Variants in UBAC1 observed in about 807,000 individuals in gnomAD.
UBAC1 encodes UBA domain containing 1.
Under a neutral mutation model 45.9 loss-of-function variants are expected in UBAC1, and 27 were observed. That is an observed-to-expected ratio of 0.59 (90% CI 0.43 to 0.81). UBAC1 has a LOEUF of 0.81. UBAC1 is among the 30% of genes least tolerant of loss of function. UBAC1 has a pLI of 0.00. For missense variants in UBAC1, 529 were observed against 539.2 expected (o/e 0.98, Z 0.19); for synonymous variants, 227 against 215.5 (o/e 1.05, Z -0.47).
intron 1 of UBAC1, among the ~76,000 whole-genome samples, chr9:135,957,942 T>G (rs931873981): frequency 2.0e-5 from 3 of 151,910 alleles, no homozygotes; most frequent in Non-Finnish European, 2.9e-5. Context: ...GCCAGGCTAT[T>G]TTTTTACATT....
At chr9:135,948,201 A>G (rs1839362027) in intron 3 of UBAC1, among the ~76,000 whole-genome samples, 1 of 152,322 alleles carries the variant, frequency 6.6e-6, no homozygotes, top group East Asian at 1.9e-4. Context: ...GGGCTGGGGC[A>G]AGGGAGGCGA....
intron 3 of UBAC1, 126 bp downstream of exon 3, chr9:135,953,554 G>A (rs949059561): frequency 2.7e-5 from 18 of 660,516 alleles, no homozygotes; most frequent in East Asian, 6.8e-5. Flanking sequence ...TCTTGACCTC[G>A]TGATCCACCC....
At chr9:135,947,690 T>C in intron 4 of UBAC1, 108 bp downstream of exon 4, 1 of 876,336 alleles carries the variant, frequency 1.1e-6, no homozygotes, top group Non-Finnish European at 1.7e-6. Context: ...CTTCCCCAAA[T>C]CCTCCCAGAG....
At chr9:135,956,386 G>C (rs1187781187) in intron 1 of UBAC1, among the ~76,000 whole-genome samples, 1 of 152,198 alleles carries the variant, frequency 6.6e-6, no homozygotes, top group Non-Finnish European at 1.5e-5. Context: ...GCACTGGCTT[G>C]CGGGAGTCCT....
chr9:135,952,806 G>A (rs148780120), intron 3 of UBAC1, among the ~76,000 whole-genome samples: 177 of 152,316 alleles, frequency 1.2e-3, no homozygotes, highest in African/African-American at 3.9e-3. Context: ...AAGCACCAAC[G>A]AGCACTTCCA....
rs1839165927 is a variant in UBAC1 at position 135,933,292 on chromosome 9, C to T, written c.*108G>A. 1 of 850,204 alleles carries T rather than the reference C, an allele frequency of 1.2e-6. No homozygotes were observed. Among genetic ancestry groups the T allele is most frequent in the African/African-American group, 1.7e-5 (1 of 60,416 alleles). 52.7% of individuals were successfully genotyped at this position (850,204 alleles called of 1,614,324 possible). On this transcript the variant is annotated 3_prime_UTR_variant, in exon 10 of 10. Transcript: ENST00000371756. ...GAGCAGCTGCAGCACCTCTAACAGTCCAGGGCTGAGGCGCTGAAGGTGAGT... is the reference window on the plus strand; with the variant it reads ...GAGCAGCTGCAGCACCTCTAACAGTTCAGGGCTGAGGCGCTGAAGGTGAGT...
At chr9:135,940,280 GA>G (rs11435128) in intron 7 of UBAC1, among the ~76,000 whole-genome samples, 18 of 149,212 alleles carry the variant, frequency 1.2e-4, no homozygotes, top group African/African-American at 1.7e-4. Context: ...TTTTATCTTA[GA>G]AAAAAAAAAA....
intron 4 of UBAC1, 174 bp downstream of exon 4, chr9:135,947,624 T>G (rs930605003): frequency 8.2e-6 from 4 of 487,052 alleles, no homozygotes; most frequent in Admixed American, 4.0e-5. Flanking sequence ...TTGGAAATAA[T>G]TTTTGATTTA....
Position 135,940,153 on chromosome 9 carries a change from C to G in UBAC1, c.877-394G>C, listed in dbSNP as rs184292193. 8.5e-5 allele frequency among the ~76,000 whole-genome samples: 13 copies of G among 152,264 alleles called. No individual in the cohort carries two copies. The East Asian group carries it at 2.5e-3, about 29-fold the overall frequency. ...GTCTCGGCAGCCACCGCAGGTTTACCCCAGAGGGCCTTGTTACCCAAAGAG... is the reference window on the plus strand; with the variant it reads ...GTCTCGGCAGCCACCGCAGGTTTACGCCAGAGGGCCTTGTTACCCAAAGAG... On this transcript the variant is annotated intron_variant, in intron 7 of 9. Transcript: ENST00000371756.
At chr9:135,937,926 G>A (rs930720281) in intron 9 of UBAC1, among the ~76,000 whole-genome samples, 11 of 152,178 alleles carry the variant, frequency 7.2e-5, no homozygotes, top group African/African-American at 9.7e-5. Context: ...AGCTGCTGGC[G>A]CAGTCTCCAC....
chr9:135,961,106 G>T lies in UBAC1; in HGVS notation c.57C>A (p.Cys19Ter). Residue 19 changes from cysteine to a stop codon, truncating the protein, a stop_gained, in exon 1 of 10, where the codon TGC becomes TGA. Transcript: ENST00000371756. LOFTEE classifies it high-confidence loss of function. Reference sequence around the variant, plus strand: ...CCAGCCACTCGGCGCCGTCGGACGCGCAGATGTGCAGCCGCAGCACCTTGC... The same window carrying T: ...CCAGCCACTCGGCGCCGTCGGACGCTCAGATGTGCAGCCGCAGCACCTTGC... The part of the protein sequence containing the change: ...FAGKVLRLHI[C>*]ASDGAEWLEE... 1 of 1,590,602 alleles carries T rather than the reference G, an allele frequency of 6.3e-7. No individual in the cohort carries two copies. Among genetic ancestry groups the T allele is most frequent in the Non-Finnish European group, 8.5e-7 (1 of 1,173,454 alleles).
At chr9:135,947,454 T>C (rs912132378) in intron 4 of UBAC1, 3 of 208,766 alleles carry the variant, frequency 1.4e-5, no homozygotes, top group African/African-American at 6.9e-5. Context: ...AGTTTCATCA[T>C]GTTGGCCAGG....
intron 1 of UBAC1, among the ~76,000 whole-genome samples, chr9:135,957,187 C>CA (rs1227102245): frequency 1.3e-5 from 2 of 152,170 alleles, no homozygotes; most frequent in East Asian, 3.8e-4. Context: ...TTGACGGCTT[C>CA]AGGGGCTCAC....
chr9:135,935,797 C>T lies in UBAC1; in HGVS notation c.1103-2282G>A, dbSNP rs573035427. On this transcript the variant is annotated intron_variant, in intron 9 of 9. Coordinates refer to ENST00000371756, the MANE Select transcript of UBAC1 (RefSeq NM_016172.3). ...ATCCCAGCACTTTGGGAGGCCGAGA[C>T]GGGCGGATCACGAGGTCAGGAGATC... 8.9e-4 allele frequency among the ~76,000 whole-genome samples: 136 copies of T among 152,196 alleles called. 1 individual carries two copies. The highest frequency in any genetic ancestry group is 1.2e-3 in the Non-Finnish European group (80 of 67,986).
At chr9:135,945,547 C>T in intron 6 of UBAC1, 1 of 501,140 alleles carries the variant, frequency 2.0e-6, no homozygotes, top group South Asian at 3.4e-5. Context: ...CCCGGCTGCC[C>T]CTGGATCTCG....
chr9:135,941,127 C>T (rs1011804769), intron 7 of UBAC1, among the ~76,000 whole-genome samples: 3 of 152,182 alleles, frequency 2.0e-5, no homozygotes, highest in African/African-American at 7.2e-5. Flanking sequence ...AAGTCCCAGC[C>T]GGGAGCAGTG....
intron 5 of UBAC1, 24 bp from the exon 6 acceptor site, chr9:135,946,021 G>A (rs375766890): frequency 6.2e-7 from 1 of 1,602,938 alleles, no homozygotes; most frequent in Non-Finnish European, 8.5e-7. Flanking sequence ...ACAGGGCCAT[G>A]AGGGCTCCAG....
chr9:135,937,440 C>CAAAAA (rs57527185), intron 9 of UBAC1, among the ~76,000 whole-genome samples: 2 of 99,844 alleles, frequency 2.0e-5, no homozygotes, highest in African/African-American at 4.3e-5. Context: ...GACTCTGTCT[C>CAAAAA]AAAAAAAAAA....
At position 135,933,356 on chromosome 9, in the gene UBAC1, C is replaced by T. The variant is rs539261928; in HGVS notation, c.*44G>A. 25 of 1,558,060 alleles carry T rather than the reference C, an allele frequency of 1.6e-5. No homozygotes were observed. In the African/African-American group the frequency reaches 3.4e-4, roughly 21 times the overall value. On this transcript the variant is annotated 3_prime_UTR_variant, in exon 10 of 10. Transcript: ENST00000371756. ...CCACTCTGCCCGGTCTCGGGCCGCACCAGGGGGCTGCTGTGGCCTGATAGC... is the reference window on the plus strand; with the variant it reads ...CCACTCTGCCCGGTCTCGGGCCGCATCAGGGGGCTGCTGTGGCCTGATAGC...
Sources: allele counts gnomAD v4.1 joint callset (sites outside exome capture counted in the v4.1 genomes callset), GRCh38; gene constraint gnomAD v4.1.1; transcripts MANE v1.5; gene names NCBI Gene and HGNC (gene_info 2026-07-23, HGNC 2026-07-21).